Variants in CPQ observed in about 807,000 individuals in gnomAD.
The protein encoded by CPQ is carboxypeptidase Q, also known as Ser-Met dipeptidase.
In CPQ, 37 loss-of-function variants were observed where a neutral mutation model predicts 45.7. The ratio of observed to expected loss-of-function variants is 0.81; its 90% CI spans 0.62 to 1.07. The LOEUF is 1.07. Ranked by LOEUF, CPQ falls within the 50% of genes least tolerant of loss-of-function variation. CPQ has a pLI of 0.00. For synonymous variants in CPQ, 186 were observed against 205.8 expected (o/e 0.90, Z 0.82); for missense variants, 537 against 572.9 (o/e 0.94, Z 0.64).
At chr8:96,871,643 CT>C (rs1812069433) in intron 3 of CPQ, among the ~76,000 whole-genome samples, 1 of 147,726 alleles carries the variant, frequency 6.8e-6, no homozygotes, top group East Asian at 2.0e-4. Flanking sequence ...AAGAGGGTGA[CT>C]GTAGTTTCTC....
At chr8:96,672,112 G>T (rs1186561418) in intron 1 of CPQ, among the ~76,000 whole-genome samples, 1 of 152,038 alleles carries the variant, frequency 6.6e-6, no homozygotes, top group Non-Finnish European at 1.5e-5. Flanking sequence ...AAAACAAACA[G>T]GAGGCAAAAA....
intron 1 of CPQ, among the ~76,000 whole-genome samples, chr8:96,761,822 G>A (rs916349021): frequency 1.4e-4 from 21 of 152,184 alleles, no homozygotes; most frequent in Admixed American, 6.5e-4. Context: ...CGCTAATAGC[G>A]TCAAACCTTG....
At chr8:96,934,165 A>C (rs1435793765) in intron 4 of CPQ, among the ~76,000 whole-genome samples, 1 of 152,178 alleles carries the variant, frequency 6.6e-6, no homozygotes, top group Admixed American at 6.5e-5. Context: ...GCCCTTGGGC[A>C]TGTCATGTCT....
At position 96,784,927 on chromosome 8, in the gene CPQ, T is replaced by C; in HGVS notation, c.30T>C (p.Gly10=). ...AATTCCTTATCTTCGCATTTTTCGG[T>C]GGTGTTCACCTTTTATCCCTGTGCT... is the stretch of plus-strand genomic sequence containing the variant. MKFLIFAFF[G]GVHLLSLCSG... is the part of the protein sequence containing the mutation. The change falls in exon 2 of 8, where the codon GGT becomes GGC. Residue 10 remains glycine (G), a synonymous_variant. Coordinates refer to ENST00000220763, the MANE Select transcript of CPQ (RefSeq NM_016134.4). 1.9e-6 allele frequency: 3 copies of C among 1,606,684 alleles called. No homozygotes were observed. The highest frequency in any genetic ancestry group is 2.2e-5 in the South Asian group (2 of 90,362).
chr8:97,050,457 T>C lies in CPQ; in HGVS notation c.1054-15552T>C, dbSNP rs1415970212. Among the ~76,000 whole-genome samples the C allele has an allele frequency of 5.3e-5, 8 of 152,340 alleles. No individual in the cohort carries two copies. The East Asian group carries it at 1.5e-3, about 29-fold the overall frequency. ...CTTATGGAATGCATCAATAACAAGA[T>C]ACATTCCAATTTCCAAAATGCTAAA... On this transcript the variant is annotated intron_variant, in intron 6 of 7. Transcript: ENST00000220763.
At chr8:96,872,643 G>A (rs918687511) in intron 3 of CPQ, among the ~76,000 whole-genome samples, 9 of 151,792 alleles carry the variant, frequency 5.9e-5, no homozygotes, top group South Asian at 2.1e-4. Context: ...AAGAAAACTC[G>A]ACTAATGGTG....
intron 1 of CPQ, among the ~76,000 whole-genome samples, chr8:96,717,076 T>TATATAC (rs1809690915): frequency 6.2e-5 from 4 of 64,124 alleles, no homozygotes; most frequent in African/African-American, 1.9e-4. Flanking sequence ...TATATATATA[T>TATATAC]ACGTATATAT....
intron 5 of CPQ, among the ~76,000 whole-genome samples, chr8:96,985,049 A>G (rs1813988733): frequency 6.6e-6 from 1 of 152,090 alleles, no homozygotes; most frequent in South Asian, 2.1e-4. Flanking sequence ...TCTTTGAATG[A>G]TGTTAGTTGA....
chr8:97,080,464 G>T (rs1810926789), intron 7 of CPQ, among the ~76,000 whole-genome samples: 1 of 152,142 alleles, frequency 6.6e-6, no homozygotes, highest in East Asian at 1.9e-4. Flanking sequence ...CAATTAAAGA[G>T]ATTTTGGTAA....
intron 5 of CPQ, among the ~76,000 whole-genome samples, chr8:96,993,706 C>T (rs942927077): frequency 1.3e-5 from 2 of 151,886 alleles, no homozygotes; most frequent in Admixed American, 6.6e-5. Context: ...CCAATATTTA[C>T]AATATATTGG....
chr8:97,102,931 T>C (rs1020588826), intron 7 of CPQ, among the ~76,000 whole-genome samples: 3 of 152,198 alleles, frequency 2.0e-5, no homozygotes, highest in African/African-American at 7.2e-5. Flanking sequence ...GTTAGGGTGT[T>C]AGTAGAGATG....
intron 7 of CPQ, among the ~76,000 whole-genome samples, chr8:97,141,917 G>A (rs535588996): frequency 1.6e-4 from 25 of 152,210 alleles, no homozygotes; most frequent in East Asian, 9.6e-4. Context: ...ATCTGTACAC[G>A]TATAATTGTT....
intron 3 of CPQ, among the ~76,000 whole-genome samples, chr8:96,863,395 A>G (rs1811956343): frequency 6.6e-6 from 1 of 151,970 alleles, no homozygotes; most frequent in Non-Finnish European, 1.5e-5. Context: ...AGACATTTTC[A>G]AGGGATAAAA....
chr8:96,913,426 A>T lies in CPQ; in HGVS notation c.849+33421A>T, dbSNP rs140163400. Among the ~76,000 whole-genome samples, 1,453 of 152,298 alleles carry T rather than the reference A, an allele frequency of 9.5e-3. 66 individuals carry two copies. Among genetic ancestry groups the T allele is most frequent in the Admixed American group, 0.085 (1,293 of 15,288 alleles). On this transcript the variant is annotated intron_variant, in intron 4 of 7. Coordinates refer to ENST00000220763, the MANE Select transcript of CPQ (RefSeq NM_016134.4). The stretch of plus-strand genomic sequence containing the variant: ...CTTCCCTAGCTCAAGGTTGTGGGTA[A>T]ATTAATTCTTAAATGAAAGTGAGAG...
intron 3 of CPQ, among the ~76,000 whole-genome samples, chr8:96,860,972 A>G (rs937355266): frequency 3.3e-5 from 5 of 152,136 alleles, no homozygotes; most frequent in Admixed American, 2.0e-4. Context: ...TTGATTTTGT[A>G]CTGACAGTTT....
intron 7 of CPQ, among the ~76,000 whole-genome samples, chr8:97,067,216 C>T (rs949634246): frequency 6.6e-6 from 1 of 152,026 alleles, no homozygotes; most frequent in Non-Finnish European, 1.5e-5. Context: ...CATGAGCGAC[C>T]ATGCCTGGCC....
At chr8:96,856,404 G>C (rs894000351) in intron 3 of CPQ, among the ~76,000 whole-genome samples, 1 of 152,160 alleles carries the variant, frequency 6.6e-6, no homozygotes, top group Non-Finnish European at 1.5e-5. Flanking sequence ...GAAAAATAAA[G>C]GACTCAAGAG....
chr8:97,069,899 A>G (rs951962953), intron 7 of CPQ, among the ~76,000 whole-genome samples: 3 of 152,186 alleles, frequency 2.0e-5, no homozygotes, highest in Non-Finnish European at 4.4e-5. Context: ...TATCACACAG[A>G]TAGAATTAAA....
At chr8:97,089,800 A>G (rs1479696500) in intron 7 of CPQ, among the ~76,000 whole-genome samples, 5 of 152,136 alleles carry the variant, frequency 3.3e-5, no homozygotes, top group Non-Finnish European at 5.9e-5. Context: ...TTACCCCTGG[A>G]CCAGTAGTAT....
Sources: gnomAD v4.1 joint callset for allele counts (sites outside exome capture counted in the v4.1 genomes callset) on GRCh38, gnomAD v4.1.1 for gene constraint, MANE v1.5 for transcripts, NCBI Gene and HGNC (gene_info 2026-07-23, HGNC 2026-07-21) for gene names.